GRIA4: variants seen among roughly 807,000 people sequenced by gnomAD.
The protein encoded by GRIA4 is glutamate receptor 4.
In GRIA4, 34 loss-of-function variants were observed where a neutral mutation model predicts 104.0. That is an observed-to-expected ratio of 0.33 (90% CI 0.25 to 0.44). The LOEUF is 0.44. GRIA4 is among the 20% of genes least tolerant of loss of function. The probability of loss-of-function intolerance (pLI) is 1.00; values close to 1 mark genes in which losing one functional copy is unlikely to be tolerated. For missense variants in GRIA4, 750 were observed against 1,096.5 expected, an observed-to-expected ratio of 0.68 and a Z score of 4.46; for synonymous variants, 386 against 381.9, an observed-to-expected ratio of 1.01 and a Z score of -0.13.
At chr11:105,750,103 T>C (rs908406802) in intron 3 of GRIA4, among the ~76,000 whole-genome samples, 6 of 152,158 alleles carry the variant, frequency 3.9e-5, no homozygotes, top group African/African-American at 7.2e-5. Flanking sequence ...CAACAATAGA[T>C]GTCATAAGAT....
intron 3 of GRIA4, among the ~76,000 whole-genome samples, chr11:105,618,194 T>A (rs942247065): frequency 9.9e-5 from 15 of 151,546 alleles, no homozygotes; most frequent in Non-Finnish European, 1.9e-4. Flanking sequence ...TCAGAGGTTA[T>A]GTAGCTATGG....
chr11:105,912,515 C>A (rs757212446), intron 10 of GRIA4: 150 of 402,766 alleles, frequency 3.7e-4, no homozygotes, highest in East Asian at 3.1e-3. Flanking sequence ...AAAAATCCAA[C>A]TGTTTTATAT....
chr11:105,801,155 C>T (rs1942703737), intron 4 of GRIA4, among the ~76,000 whole-genome samples: 1 of 151,376 alleles, frequency 6.6e-6, no homozygotes, highest in African/African-American at 2.4e-5. Context: ...AACACAAAAT[C>T]TTATTTCTTA....
intron 3 of GRIA4, among the ~76,000 whole-genome samples, chr11:105,743,648 C>T (rs894320496): frequency 6.6e-6 from 1 of 152,146 alleles, no homozygotes; most frequent in East Asian, 1.9e-4. Context: ...CAGCTAGACA[C>T]CTGGGACCTC....
At chr11:105,654,093 T>A in intron 3 of GRIA4, among the ~76,000 whole-genome samples, 1 of 142,256 alleles carries the variant, frequency 7.0e-6, no homozygotes, top group Non-Finnish European at 1.5e-5. Context: ...CTGGAAGACA[T>A]TAACTGAAAT....
intron 3 of GRIA4, among the ~76,000 whole-genome samples, chr11:105,683,611 A>C (rs1452345174): frequency 6.6e-6 from 1 of 152,144 alleles, no homozygotes; most frequent in East Asian, 1.9e-4. Context: ...TTATTTGTAG[A>C]AATATTTACT....
At chr11:105,662,273 G>C (rs1952035604) in intron 3 of GRIA4, among the ~76,000 whole-genome samples, 1 of 151,806 alleles carries the variant, frequency 6.6e-6, no homozygotes, top group Admixed American at 6.6e-5. Flanking sequence ...CAGTTGATTA[G>C]CTTGTCTGAG....
intron 4 of GRIA4, among the ~76,000 whole-genome samples, chr11:105,813,445 C>A (rs1468028265): frequency 6.6e-6 from 1 of 152,152 alleles, no homozygotes; most frequent in Non-Finnish European, 1.5e-5. Context: ...GATATACAGA[C>A]AACCCTGCTT....
At chr11:105,749,893 A>G (rs542662894) in intron 3 of GRIA4, among the ~76,000 whole-genome samples, 1 of 152,334 alleles carries the variant, frequency 6.6e-6, no homozygotes, top group African/African-American at 2.4e-5. Context: ...ATATAGAGCA[A>G]TCTAATATCA....
chr11:105,707,375 A>G (rs549867023), intron 3 of GRIA4: 6 of 152,384 alleles, frequency 3.9e-5, no homozygotes, highest in African/African-American at 1.4e-4. Flanking sequence ...GTTAAATACC[A>G]CAATTCATAA....
chr11:105,657,607 T>C (rs1368032059), intron 3 of GRIA4, among the ~76,000 whole-genome samples: 1 of 151,950 alleles, frequency 6.6e-6, no homozygotes, highest in Non-Finnish European at 1.5e-5. Flanking sequence ...CTTATAATAC[T>C]ATCAGTGAAA....
intron 4 of GRIA4, among the ~76,000 whole-genome samples, chr11:105,854,548 T>C (rs1249024588): frequency 3.3e-5 from 5 of 152,080 alleles, no homozygotes; most frequent in Admixed American, 3.3e-4. Flanking sequence ...ATGCTATGAG[T>C]AGTGCAAAGC....
At chr11:105,824,184 G>A (rs1238923254) in intron 4 of GRIA4, among the ~76,000 whole-genome samples, 5 of 152,058 alleles carry the variant, frequency 3.3e-5, no homozygotes, top group Non-Finnish European at 4.4e-5. Flanking sequence ...GACCAATACA[G>A]TAGGCATATA....
intron 3 of GRIA4, among the ~76,000 whole-genome samples, chr11:105,717,422 A>G (rs1954130036): frequency 6.6e-6 from 1 of 152,160 alleles, no homozygotes; most frequent in Admixed American, 6.6e-5. Flanking sequence ...ACAACAAGAA[A>G]TAAAGCTAAA....
At chr11:105,780,461 A>C (rs538798853) in intron 4 of GRIA4, among the ~76,000 whole-genome samples, 13 of 152,304 alleles carry the variant, frequency 8.5e-5, no homozygotes, top group African/African-American at 2.9e-4. Context: ...ACAACACTGC[A>C]AAAGAAATTT....
Position 105,901,757 on chromosome 11 carries a change from G to A in GRIA4, c.886-2057G>A, listed in dbSNP as rs932584004. Reference sequence around the variant, plus strand: ...GTTCACATATTTCATAAAAATAAACGAACTTTTTAAAACACAAAAAGTGCA... The same window carrying A: ...GTTCACATATTTCATAAAAATAAACAAACTTTTTAAAACACAAAAAGTGCA... On this transcript the variant is annotated intron_variant, in intron 7 of 16. Transcript: ENST00000282499. 2.6e-5 allele frequency among the ~76,000 whole-genome samples: 4 copies of A among 151,978 alleles called. No homozygotes were observed. The South Asian group carries it at 6.2e-4, about 24-fold the overall frequency.
At position 105,616,421 on chromosome 11, in the gene GRIA4, G is replaced by C. The variant is rs1013968716; in HGVS notation, c.247+3987G>C. On this transcript the variant is annotated intron_variant, in intron 3 of 16. Coordinates refer to ENST00000282499, the MANE Select transcript of GRIA4 (RefSeq NM_000829.4). The stretch of plus-strand genomic sequence containing the variant: ...TTACAAAGTACTTGTAAAAGTATAC[G>C]TAAAATAGAGTTGTTTAGTTAATTT... Among the ~76,000 whole-genome samples the C allele has an allele frequency of 2.6e-5, 4 of 151,622 alleles. No individual in the cohort carries two copies. The East Asian group carries it at 7.7e-4, about 29-fold the overall frequency.
At chr11:105,924,937 GAT>G (rs1947664374) in intron 12 of GRIA4, among the ~76,000 whole-genome samples, 168 bp downstream of exon 12, 1 of 152,020 alleles carries the variant, frequency 6.6e-6, no homozygotes, top group Admixed American at 6.6e-5. Flanking sequence ...ACAAAATATG[GAT>G]ATATCATAAA....
chr11:105,805,344 G>C (rs1420327530), intron 4 of GRIA4, among the ~76,000 whole-genome samples: 1 of 151,450 alleles, frequency 6.6e-6, no homozygotes, highest in Non-Finnish European at 1.5e-5. Context: ...ATCTAGTAAG[G>C]CAACTCACTC....
Sources: allele counts gnomAD v4.1 joint callset (sites outside exome capture counted in the v4.1 genomes callset), GRCh38; gene constraint gnomAD v4.1.1; transcripts MANE v1.5; gene names NCBI Gene and HGNC (gene_info 2026-07-23, HGNC 2026-07-21).